RHOBTB1: variants seen among roughly 807,000 people sequenced by gnomAD.
RHOBTB1 encodes rho-related BTB domain-containing protein 1.
In RHOBTB1, 40 loss-of-function variants were observed where a neutral mutation model predicts 71.6. The observed-to-expected ratio is 0.56, with a 90% CI of 0.43 to 0.73. RHOBTB1 has a LOEUF of 0.73. RHOBTB1 is among the 30% of genes least tolerant of loss of function. RHOBTB1 has a pLI of 0.00. For missense variants in RHOBTB1, 797 were observed against 894.0 expected (o/e 0.89, Z 1.38); for synonymous variants, 319 against 334.9 (o/e 0.95, Z 0.52).
Position 60,869,851 on chromosome 10 carries a change from C to T in RHOBTB1, c.*1631G>A, listed in dbSNP as rs1164640049. On this transcript the variant is annotated 3_prime_UTR_variant, in exon 11 of 11. Transcript: ENST00000337910. ...TCTCTTTTGTCATGACAAGGTGATG[C>T]ATTTCTGGGCCTCTCCTAAGATCTT... 6.6e-6 allele frequency: 1 copy of T among 152,594 alleles called. No homozygotes were observed. The highest frequency in any genetic ancestry group is 1.5e-5 in the Non-Finnish European group (1 of 68,032). The allele number at this position is 152,594 out of a possible 1,614,324, so 9.5% of individuals were successfully genotyped here. A position where few individuals can be genotyped will look rare whatever the true frequency, so the allele number is the denominator to read the frequency against.
chr10:60,991,187 C>A (rs151302799), intron 1 of RHOBTB1, among the ~76,000 whole-genome samples: 1 of 152,110 alleles, frequency 6.6e-6, no homozygotes, highest in Non-Finnish European at 1.5e-5. Flanking sequence ...ATATTCCACA[C>A]GGTAGCCAGA....
chr10:60,919,745 C>A (rs2083455468), intron 2 of RHOBTB1, among the ~76,000 whole-genome samples: 1 of 152,164 alleles, frequency 6.6e-6, no homozygotes. Flanking sequence ...GCACTTTTTA[C>A]TACATCCGCT....
intron 7 of RHOBTB1, among the ~76,000 whole-genome samples, chr10:60,880,443 G>T (rs1019161712): frequency 6.6e-6 from 1 of 152,044 alleles, no homozygotes; most frequent in South Asian, 2.1e-4. Context: ...CAGATAGGTA[G>T]ACCCATCCCT....
intron 5 of RHOBTB1, 77 bp downstream of exon 5, chr10:60,892,733 A>G: frequency 7.8e-7 from 1 of 1,285,088 alleles, no homozygotes; most frequent in Non-Finnish European, 1.1e-6. Flanking sequence ...AGAGCAGAAC[A>G]CCAGGCTACA....
chr10:60,873,208 C>T (rs2080884049), intron 9 of RHOBTB1, among the ~76,000 whole-genome samples: 1 of 152,218 alleles, frequency 6.6e-6, no homozygotes, highest in East Asian at 1.9e-4. Flanking sequence ...TCTCTGAAAA[C>T]AAGGCTGGGG....
At chr10:60,878,743 C>T (rs1227655757) in intron 7 of RHOBTB1, among the ~76,000 whole-genome samples, 2 of 152,224 alleles carry the variant, frequency 1.3e-5, no homozygotes, top group Non-Finnish European at 2.9e-5. Flanking sequence ...CCCACAGTCT[C>T]CTTCCTGAGT....
chr10:61,000,421 G>A (rs1007451231), intron 1 of RHOBTB1, among the ~76,000 whole-genome samples: 7 of 152,088 alleles, frequency 4.6e-5, no homozygotes, highest in African/African-American at 1.7e-4. Flanking sequence ...CTCACCAAGA[G>A]CAAGATGATG....
At chr10:60,928,267 C>T (rs747331667) in intron 2 of RHOBTB1, among the ~76,000 whole-genome samples, 1 of 151,360 alleles carries the variant, frequency 6.6e-6, no homozygotes, top group Non-Finnish European at 1.5e-5. Flanking sequence ...GGATGTTCCT[C>T]AAAAACTAAA....
chr10:60,930,649 TA>T (rs538238077), intron 2 of RHOBTB1, among the ~76,000 whole-genome samples: 59 of 152,174 alleles, frequency 3.9e-4, no homozygotes, highest in Non-Finnish European at 7.8e-4. Context: ...TGCTTATGAA[TA>T]GAGAGGCATG....
chr10:60,913,751 GA>G (rs1240170752), intron 2 of RHOBTB1, among the ~76,000 whole-genome samples: 2 of 152,142 alleles, frequency 1.3e-5, no homozygotes, highest in African/African-American at 4.8e-5. Flanking sequence ...CTGAGGTTGT[GA>G]AACCCTGCCT....
At chr10:60,944,832 C>T (rs539680360), upstream of RHOBTB1, among the ~76,000 whole-genome samples, 646 of 152,322 alleles carry the variant, frequency 4.2e-3, 1 homozygote, top group Non-Finnish European at 7.1e-3. Context: ...TACCTTCCTC[C>T]GCGACTTGGC....
At chr10:60,986,433 A>ATATAAT in intron 1 of RHOBTB1, among the ~76,000 whole-genome samples, 1 of 136,390 alleles carries the variant, frequency 7.3e-6, no homozygotes, top group African/African-American at 2.8e-5. Flanking sequence ...ATATATATAA[A>ATATAAT]ATATATATAG....
chr10:60,983,547 C>G (rs766925176), intron 2 of RHOBTB1, among the ~76,000 whole-genome samples: 6 of 151,964 alleles, frequency 3.9e-5, no homozygotes, highest in Non-Finnish European at 8.8e-5. Flanking sequence ...CTCTTGGATA[C>G]TTTACTCTTT....
At position 60,932,198 on chromosome 10, in the gene RHOBTB1, G is replaced by A. The variant is rs575858556; in HGVS notation, c.-11+9606C>T. On this transcript the variant is annotated intron_variant, in intron 2 of 10. Coordinates refer to ENST00000337910, the MANE Select transcript of RHOBTB1 (RefSeq NM_014836.5). ...TAACATTGTAATCTTTACTTAGGCA[G>A]ACGTCTACACATTTTCAGTGACAAG... Among the ~76,000 whole-genome samples the A allele has an allele frequency of 2.0e-5, 3 of 152,286 alleles. No individual in the cohort carries two copies. In the East Asian group the frequency reaches 5.8e-4, roughly 29 times the overall value.
At chr10:60,988,488 G>A (rs2086746792) in intron 1 of RHOBTB1, among the ~76,000 whole-genome samples, 2 of 151,662 alleles carry the variant, frequency 1.3e-5, no homozygotes, top group Admixed American at 1.3e-4. Flanking sequence ...CCCAGTGTCT[G>A]TTGTTCCATT....
At chr10:60,979,776 G>A (rs1187870665) in intron 2 of RHOBTB1, among the ~76,000 whole-genome samples, 1 of 152,192 alleles carries the variant, frequency 6.6e-6, no homozygotes, top group Non-Finnish European at 1.5e-5. Context: ...AGTGTGGGAA[G>A]AGATTACATT....
At chr10:60,885,458 G>GT (rs2081526110) in intron 7 of RHOBTB1, among the ~76,000 whole-genome samples, 1 of 152,162 alleles carries the variant, frequency 6.6e-6, no homozygotes, top group Non-Finnish European at 1.5e-5. Flanking sequence ...ACCTTGAGAG[G>GT]TGTGTTCAGG....
At chr10:60,915,220 T>C (rs879657019) in intron 2 of RHOBTB1, among the ~76,000 whole-genome samples, 1 of 152,244 alleles carries the variant, frequency 6.6e-6, no homozygotes, top group Admixed American at 6.5e-5. Context: ...CCGCTTGTTA[T>C]AGGCTCTAAT....
At chr10:60,943,321 C>T (rs978347124) in intron 1 of RHOBTB1, among the ~76,000 whole-genome samples, 2 of 152,192 alleles carry the variant, frequency 1.3e-5, no homozygotes, top group African/African-American at 4.8e-5. Context: ...AGTTGCCTTC[C>T]ACTTCTTTTC....
Sources: allele counts gnomAD v4.1 joint callset (sites outside exome capture counted in the v4.1 genomes callset), GRCh38; gene constraint gnomAD v4.1.1; transcripts MANE v1.5; gene names NCBI Gene and HGNC (gene_info 2026-07-23, HGNC 2026-07-21).